SH3D19: variants seen among roughly 807,000 people sequenced by gnomAD.
SH3D19 encodes SH3 domain containing 19, also known as SH3 domain-containing protein 19.
In SH3D19, 58 loss-of-function variants were observed where a neutral mutation model predicts 112.1. That is an observed-to-expected ratio of 0.52 (90% CI 0.42 to 0.64). The LOEUF is 0.64. Ranked by LOEUF, SH3D19 falls within the 30% of genes least tolerant of loss-of-function variation. The pLI, the probability that SH3D19 is intolerant of heterozygous loss-of-function variation, is 0.00. For missense variants in SH3D19, 1,090 were observed against 1,263.4 expected, an observed-to-expected ratio of 0.86 and a Z score of 2.08; for synonymous variants, 391 against 448.5, an observed-to-expected ratio of 0.87 and a Z score of 1.62.
At chr4:151,164,249 G>A (rs1193510257) in intron 8 of SH3D19, among the ~76,000 whole-genome samples, 6 of 152,164 alleles carry the variant, frequency 3.9e-5, no homozygotes, top group East Asian at 1.9e-4. Context: ...GAATGCATGC[G>A]GGCTATGATA....
intron 1 of SH3D19, 192 bp from the exon 2 acceptor site, chr4:151,226,278 T>C: frequency 8.2e-7 from 1 of 1,219,900 alleles, no homozygotes; most frequent in Non-Finnish European, 1.0e-6. Context: ...AGGACAGGCA[T>C]AAAAGCTTAC....
intron 1 of SH3D19, among the ~76,000 whole-genome samples, chr4:151,274,355 C>T (rs1773433735): frequency 6.6e-6 from 1 of 152,128 alleles, no homozygotes; most frequent in Admixed American, 6.5e-5. Context: ...CCACAATAGC[C>T]CCTGCAACTG....
chr4:151,302,775 C>A (rs1728561436), intron 1 of SH3D19, among the ~76,000 whole-genome samples: 1 of 151,430 alleles, frequency 6.6e-6, no homozygotes, highest in African/African-American at 2.4e-5. Context: ...TGCATGTCTT[C>A]TGAAAACCAA....
At chr4:151,301,866 T>G (rs1458573745) in intron 1 of SH3D19, among the ~76,000 whole-genome samples, 1 of 152,158 alleles carries the variant, frequency 6.6e-6, no homozygotes, top group Non-Finnish European at 1.5e-5. Flanking sequence ...AGAACTACAA[T>G]ATATTCCAAA....
At chr4:151,191,815 T>G (rs1414513091) in intron 2 of SH3D19, among the ~76,000 whole-genome samples, 1 of 151,736 alleles carries the variant, frequency 6.6e-6, no homozygotes, top group East Asian at 1.9e-4. Context: ...CCAGCTAAAT[T>G]TTTGTATTTT....
chr4:151,298,181 A>ATTTTTTTTTTTTTT (rs386401883), intron 1 of SH3D19, among the ~76,000 whole-genome samples: 3 of 94,886 alleles, frequency 3.2e-5, no homozygotes, highest in African/African-American at 8.4e-5. Context: ...AGAATAATAA[A>ATTTTTTTTTTTTTT]TTTTTTTTTT....
intron 8 of SH3D19, among the ~76,000 whole-genome samples, chr4:151,164,268 T>C (rs894067424): frequency 2.6e-5 from 4 of 152,196 alleles, no homozygotes; most frequent in Admixed American, 1.3e-4. Context: ...TATAAAGGCA[T>C]TGCAGGCATA....
intron 1 of SH3D19, among the ~76,000 whole-genome samples, chr4:151,318,446 A>G (rs543139458): frequency 1.3e-5 from 2 of 152,198 alleles, no homozygotes; most frequent in Non-Finnish European, 2.9e-5. Context: ...TAGAATTAAG[A>G]TATTTCCAAG....
intron 1 of SH3D19, among the ~76,000 whole-genome samples, chr4:151,299,495 G>A (rs983238894): frequency 1.1e-4 from 16 of 144,786 alleles, no homozygotes; most frequent in Non-Finnish European, 2.4e-4. Flanking sequence ...CAGGAGAATC[G>A]CTTGAACCTC....
intron 1 of SH3D19, among the ~76,000 whole-genome samples, chr4:151,299,318 C>T (rs887464664): frequency 4.6e-5 from 7 of 152,312 alleles, no homozygotes; most frequent in East Asian, 1.9e-4. Flanking sequence ...CAGTGGCTCA[C>T]GCCTGTAATC....
At chr4:151,264,369 G>C (rs1772606406) in intron 1 of SH3D19, among the ~76,000 whole-genome samples, 1 of 148,222 alleles carries the variant, frequency 6.7e-6, no homozygotes, top group Admixed American at 6.9e-5. Flanking sequence ...GGGAGCTGGG[G>C]GTGAGCCAAC....
chr4:151,251,343 C>T (rs953071032), intron 1 of SH3D19, among the ~76,000 whole-genome samples: 26 of 151,912 alleles, frequency 1.7e-4, no homozygotes, highest in African/African-American at 5.1e-4. Flanking sequence ...GGATTACAGG[C>T]GCATACCACC....
chr4:151,294,045 C>T (rs925512166), intron 1 of SH3D19, among the ~76,000 whole-genome samples: 2 of 152,220 alleles, frequency 1.3e-5, no homozygotes, highest in African/African-American at 2.4e-5. Flanking sequence ...CTATGAAGCC[C>T]TCCTTTATAG....
chr4:151,202,880 A>C (rs962185403), intron 2 of SH3D19, among the ~76,000 whole-genome samples: 1 of 152,220 alleles, frequency 6.6e-6, no homozygotes, highest in Non-Finnish European at 1.5e-5. Context: ...TTGCTTCCAG[A>C]CAAATATTCT....
intron 1 of SH3D19, among the ~76,000 whole-genome samples, chr4:151,310,574 C>G (rs188283807): frequency 1.8e-4 from 28 of 151,520 alleles, no homozygotes; most frequent in African/African-American, 5.8e-4. Context: ...ATCACTCTCT[C>G]TCTCTCTTTT....
intron 1 of SH3D19, among the ~76,000 whole-genome samples, chr4:151,252,430 TC>T (rs1771492484): frequency 1.3e-5 from 2 of 152,148 alleles, no homozygotes; most frequent in Non-Finnish European, 2.9e-5. Flanking sequence ...ATACACTTTC[TC>T]TTCTCAGCTT....
chr4:151,237,486 A>C (rs377631809), intron 1 of SH3D19, among the ~76,000 whole-genome samples: 1 of 152,066 alleles, frequency 6.6e-6, no homozygotes, highest in Admixed American at 6.6e-5. Context: ...TCAGTATGAC[A>C]ATCTAGGTAG....
intron 2 of SH3D19, among the ~76,000 whole-genome samples, chr4:151,219,471 T>G (rs746418297): frequency 3.3e-5 from 5 of 152,204 alleles, no homozygotes; most frequent in Non-Finnish European, 7.3e-5. Flanking sequence ...GAATAAAGTC[T>G]TCCTTACAGT....
At chr4:151,135,197 G>A (rs1751554422) in intron 14 of SH3D19, 65 bp from the exon 15 acceptor site, 1 of 1,349,686 alleles carries the variant, frequency 7.4e-7, no homozygotes, top group Non-Finnish European at 1.0e-6. Context: ...TAAATTTAAG[G>A]TTAAGTAATT....
Sources: gnomAD v4.1 joint callset for allele counts (sites outside exome capture counted in the v4.1 genomes callset) on GRCh38, gnomAD v4.1.1 for gene constraint, MANE v1.5 for transcripts, NCBI Gene and HGNC (gene_info 2026-07-23, HGNC 2026-07-21) for gene names.